EHHADH: variants seen among roughly 807,000 people sequenced by gnomAD.
EHHADH encodes the protein peroxisomal bifunctional enzyme.
A neutral mutation model predicts 64.4 loss-of-function variants in EHHADH; 48 were observed. The ratio of observed to expected loss-of-function variants is 0.75; its 90% CI spans 0.59 to 0.95. The LOEUF (loss-of-function observed/expected upper bound fraction) is 0.95, where lower values mean the gene tolerates loss of function less well. Among genes scored for constraint, EHHADH ranks in the 40% least tolerant of loss-of-function variants. The pLI is 0.00. For missense variants in EHHADH, 854 were observed against 876.6 expected (o/e 0.97, Z 0.33); for synonymous variants, 308 against 326.7 (o/e 0.94, Z 0.62).
In EHHADH at chr3:185,204,521, G is replaced by A. The variant is rs1243170061; in HGVS notation, c.805C>T (p.Gln269Ter). 6.2e-7 allele frequency: 1 copy of A among 1,614,060 alleles called. No homozygotes were observed. Among genetic ancestry groups the A allele is most frequent in the Non-Finnish European group, 8.5e-7 (1 of 1,180,034 alleles). The change falls in exon 6 of 7, where the codon CAA (glutamine) becomes TAA (stop). Residue 269 changes from glutamine to a stop codon, truncating the protein, a stop_gained. Coordinates refer to ENST00000231887, the MANE Select transcript of EHHADH (RefSeq NM_001966.4). LOFTEE classifies it high-confidence loss of function. ...LLQSGQARAL[Q>*]YAFFAERKAN... Reference sequence around the variant, plus strand: ...TTCCTTTCAGCGAAGAAAGCATATTGCAGGGCTCTAGCCTGCCCTGATTGC... The same window carrying A: ...TTCCTTTCAGCGAAGAAAGCATATTACAGGGCTCTAGCCTGCCCTGATTGC...
At chr3:185,196,290 C>A (rs1295623691) in intron 6 of EHHADH, among the ~76,000 whole-genome samples, 1 of 152,166 alleles carries the variant, frequency 6.6e-6, no homozygotes, top group Non-Finnish European at 1.5e-5. Context: ...AAATAAATTT[C>A]ATTTTCTCAC....
chr3:185,220,977 T>C (rs993617217), intron 4 of EHHADH, among the ~76,000 whole-genome samples: 2 of 152,216 alleles, frequency 1.3e-5, no homozygotes, highest in Non-Finnish European at 2.9e-5. Flanking sequence ...ACTATGACCT[T>C]TTCTATGCAA....
intron 4 of EHHADH, among the ~76,000 whole-genome samples, chr3:185,226,156 T>C (rs1349195593): frequency 2.6e-5 from 4 of 152,058 alleles, no homozygotes; most frequent in South Asian, 2.1e-4. Context: ...GCATAGCCAA[T>C]AGGAGAGTTT....
chr3:185,221,349 G>T (rs73050902), intron 4 of EHHADH, among the ~76,000 whole-genome samples: 130 of 152,142 alleles, frequency 8.5e-4, no homozygotes, highest in African/African-American at 3.0e-3. Context: ...TGGATCCTAA[G>T]CATCCTTTTA....
At chr3:185,234,546 AAAC>A (rs1719229930) in intron 3 of EHHADH, among the ~76,000 whole-genome samples, 1 of 146,546 alleles carries the variant, frequency 6.8e-6, no homozygotes, top group African/African-American at 2.5e-5. Flanking sequence ...AGGTTAAGGG[AAAC>A]AAGATCATAG....
intron 2 of EHHADH, chr3:185,245,569 T>A: frequency 1.2e-6 from 1 of 833,548 alleles, no homozygotes; most frequent in South Asian, 1.4e-5. Flanking sequence ...CTGTAGGAAA[T>A]AAGAGTTGCA....
intron 5 of EHHADH, among the ~76,000 whole-genome samples, chr3:185,214,924 C>T (rs1354861394): frequency 2.0e-5 from 3 of 152,152 alleles, no homozygotes; most frequent in African/African-American, 7.2e-5. Flanking sequence ...ATGGTAAATT[C>T]CTAAGAATAG....
At chr3:185,200,910 A>C (rs2108627418) in intron 6 of EHHADH, among the ~76,000 whole-genome samples, 1 of 152,244 alleles carries the variant, frequency 6.6e-6, no homozygotes, top group East Asian at 1.9e-4. Flanking sequence ...TTTTGCGGGG[A>C]GCACAATGGA....
intron 1 of EHHADH, 31 bp from the exon 2 acceptor site, chr3:185,248,548 C>G (rs2108653027): frequency 2.0e-6 from 3 of 1,496,872 alleles, no homozygotes; most frequent in Non-Finnish European, 1.8e-6. Context: ...TGAAGTAAAT[C>G]AGTCAGAATT....
intron 5 of EHHADH, among the ~76,000 whole-genome samples, chr3:185,207,629 C>G (rs1380535352): frequency 6.6e-6 from 1 of 152,154 alleles, no homozygotes; most frequent in Non-Finnish European, 1.5e-5. Context: ...GCCAACAACC[C>G]AAATAAGCAG....
chr3:185,251,210 C>CT (rs11359431), intron 1 of EHHADH, among the ~76,000 whole-genome samples: 2 of 150,338 alleles, frequency 1.3e-5, no homozygotes, highest in Admixed American at 6.6e-5. Flanking sequence ...AAGGTCTTTC[C>CT]TTTTTTTTTT....
intron 6 of EHHADH, among the ~76,000 whole-genome samples, chr3:185,202,338 CAAAAA>C (rs35411232): frequency 1.6e-5 from 2 of 126,272 alleles, no homozygotes; most frequent in Admixed American, 8.1e-5. Context: ...AACTCCATAT[CAAAAA>C]AAAAAAAAAA....
In EHHADH at chr3:185,248,419, G is replaced by A; in HGVS notation, c.173C>T (p.Ser58Phe). The stretch of plus-strand genomic sequence containing the variant: ...GAGGGTTAGACTTGAGTTACCTGCA[G>A]AAAATTTGCCCTCTGCTCCACAAAT... ...IVICGAEGKF[S>F]AGADIRGFSA... The change falls in exon 2 of 7, where the codon TCT becomes TTT. Residue 58 changes from serine to phenylalanine, a missense_variant. By Grantham distance (155) the Ser-to-Phe change is radical. Transcript: ENST00000231887. The A allele has an allele frequency of 6.2e-7, 1 of 1,612,658 alleles. No individual in the cohort carries two copies. The highest frequency in any genetic ancestry group is 8.5e-7 in the Non-Finnish European group (1 of 1,178,670).
At position 185,204,716 on chromosome 3, in the gene EHHADH, G is replaced by A. The variant is rs1306718370; in HGVS notation, c.610C>T (p.Gln204Ter). The change falls in exon 6 of 7, where the codon CAG becomes TAG. Residue 204 changes from glutamine (Q) to a stop codon, truncating the protein, a stop_gained. Transcript: ENST00000231887. LOFTEE classifies it high-confidence loss of function. ...ESRRLCNKPI[Q>*]SLPNMDSIFS... ...ATGCTGTCCATGTTGGGCAAGCTCT[G>A]AATTGGCTTGTTGCAGAGTCTACGG... The A allele has an allele frequency of 4.3e-6, 7 of 1,613,554 alleles. No homozygotes were observed. Among genetic ancestry groups the A allele is most frequent in the African/African-American group, 1.3e-5 (1 of 74,936 alleles).
chr3:185,206,914 A>G (rs77716386), intron 5 of EHHADH, among the ~76,000 whole-genome samples: 15 of 148,730 alleles, frequency 1.0e-4, no homozygotes, highest in African/African-American at 3.9e-4. Flanking sequence ...CACCCCCCCC[A>G]CCAAATGTTC....
At chr3:185,206,281 A>G (rs1296295937) in intron 5 of EHHADH, among the ~76,000 whole-genome samples, 1 of 141,686 alleles carries the variant, frequency 7.1e-6, no homozygotes, top group African/African-American at 3.0e-5. Flanking sequence ...TGCCAAAAAC[A>G]ATAAAAAAAA....
intron 6 of EHHADH, 136 bp downstream of exon 6, chr3:185,204,278 TGG>T: frequency 1.4e-6 from 1 of 728,740 alleles, no homozygotes; most frequent in Non-Finnish European, 2.2e-6. Context: ...AGAGAGCTCA[TGG>T]GGTGGTGTGA....
Position 185,193,506 on chromosome 3 carries a change from G to A in EHHADH, c.911-19C>T. ...CCCAAGCCTGCAGATAAAAATCAAA[G>A]GAGAAAAAGAATGATTCAGTGGTAT... On this transcript the variant is annotated intron_variant, in intron 6 of 6. Coordinates refer to ENST00000231887, the MANE Select transcript of EHHADH (RefSeq NM_001966.4). The A allele has an allele frequency of 7.5e-6, 12 of 1,608,342 alleles. No homozygotes were observed. The highest frequency in any genetic ancestry group is 1.1e-5 in the South Asian group (1 of 89,728).
At chr3:185,203,092 A>AAAAG (rs1382956119) in intron 6 of EHHADH, among the ~76,000 whole-genome samples, 5 of 152,144 alleles carry the variant, frequency 3.3e-5, no homozygotes, top group African/African-American at 1.2e-4. Flanking sequence ...AAAAAAAGAA[A>AAAAG]AAAGAAAGAA....
Sources: gnomAD v4.1 joint callset for allele counts (sites outside exome capture counted in the v4.1 genomes callset) on GRCh38, gnomAD v4.1.1 for gene constraint, MANE v1.5 for transcripts, NCBI Gene and HGNC (gene_info 2026-07-23, HGNC 2026-07-21) for gene names.